The following RBFOX1 variants were observed in gnomAD, a reference collection of about 807,000 sequenced individuals.
RBFOX1 encodes the protein RNA binding fox-1 homolog 1, also known as RNA binding protein fox-1 homolog 1.
In RBFOX1, 8 loss-of-function variants were observed where a neutral mutation model predicts 57.7. The ratio of observed to expected loss-of-function variants is 0.14; its 90% CI spans 0.08 to 0.25. The LOEUF (loss-of-function observed/expected upper bound fraction) is 0.25, where lower values mean the gene tolerates loss of function less well. Among genes scored for constraint, RBFOX1 ranks in the 10% least tolerant of loss-of-function variants. The pLI, the probability that RBFOX1 is intolerant of heterozygous loss-of-function variation, is 1.00. For synonymous variants in RBFOX1, 326 were observed against 222.4 expected, an observed-to-expected ratio of 1.47 and a Z score of -4.15; for missense variants, 611 against 548.5, an observed-to-expected ratio of 1.11 and a Z score of -1.14.
chr16:6,780,389 TA>T (rs1567216630), intron 3 of RBFOX1, among the ~76,000 whole-genome samples: 3 of 91,490 alleles, frequency 3.3e-5, no homozygotes, highest in African/African-American at 1.2e-4. Context: ...TTATACATAT[TA>T]TATATATTTT....
Position 5,645,032 on chromosome 16 carries a change from T to C in RBFOX1, c.318+46071T>C, listed in dbSNP as rs529017811. Reference sequence around the variant, plus strand: ...GAGTGGATCACTTGAAGTCAGGCATTTGAGACCAGCCTGAGCAACATGGTG... The same window carrying C: ...GAGTGGATCACTTGAAGTCAGGCATCTGAGACCAGCCTGAGCAACATGGTG... On this transcript the variant is annotated intron_variant, in intron 3 of 19. Coordinates refer to the RBFOX1 transcript ENST00000641259. Among the ~76,000 whole-genome samples the C allele has an allele frequency of 2.8e-4, 42 of 151,716 alleles. 1 individual carries two copies. The South Asian group carries it at 8.6e-3, about 31-fold the overall frequency.
At chr16:7,056,797 C>T (rs1338170411) in intron 4 of RBFOX1, among the ~76,000 whole-genome samples, 1 of 152,042 alleles carries the variant, frequency 6.6e-6, no homozygotes, top group Non-Finnish European at 1.5e-5. Flanking sequence ...TGCATGACTG[C>T]CAGATTCTGT....
intron 4 of RBFOX1, among the ~76,000 whole-genome samples, chr16:7,309,990 C>A (rs2096272779): frequency 6.6e-6 from 1 of 152,204 alleles, no homozygotes; most frequent in Non-Finnish European, 1.5e-5. Context: ...TTGCCGGGTG[C>A]TGCCCAAGAG....
chr16:5,620,368 C>T (rs1482745937), intron 3 of RBFOX1, among the ~76,000 whole-genome samples: 1 of 152,202 alleles, frequency 6.6e-6, no homozygotes, highest in East Asian at 1.9e-4. Context: ...TACAGCATAG[C>T]AAGATCTGAG....
chr16:6,553,004 G>A (rs1224147667), intron 2 of RBFOX1, among the ~76,000 whole-genome samples: 1 of 152,104 alleles, frequency 6.6e-6, no homozygotes, highest in Non-Finnish European at 1.5e-5. Flanking sequence ...CCCCCTGCAA[G>A]TTCTCTGAGG....
intron 1 of RBFOX1, among the ~76,000 whole-genome samples, chr16:5,265,928 G>A (rs1452266673): frequency 6.6e-6 from 1 of 152,068 alleles, no homozygotes; most frequent in African/African-American, 2.4e-5. Flanking sequence ...GTGAATCTCA[G>A]CTTTGTGGGG....
chr16:5,502,330 C>T (rs2043227368), intron 2 of RBFOX1, among the ~76,000 whole-genome samples: 1 of 151,992 alleles, frequency 6.6e-6, no homozygotes, highest in South Asian at 2.1e-4. Flanking sequence ...CTGGTGTGTC[C>T]CAGTGGATGG....
chr16:6,667,255 C>T (rs1215512977), intron 3 of RBFOX1, among the ~76,000 whole-genome samples: 1 of 152,126 alleles, frequency 6.6e-6, no homozygotes, highest in African/African-American at 2.4e-5. Flanking sequence ...GCCATGGACA[C>T]AGTGGTAACC....
chr16:7,561,253 T>A (rs2152679528), intron 5 of RBFOX1, among the ~76,000 whole-genome samples: 1 of 152,334 alleles, frequency 6.6e-6, no homozygotes, highest in South Asian at 2.1e-4. Context: ...ATGGTTCATT[T>A]GTTTACATAT....
At position 7,164,191 on chromosome 16, in the gene RBFOX1, C is replaced by T. The variant is rs879746920; in HGVS notation, c.27+112093C>T. Among the ~76,000 whole-genome samples, 5 of 152,266 alleles carry T rather than the reference C, an allele frequency of 3.3e-5. No individual in the cohort carries two copies. The East Asian group carries it at 5.8e-4, about 18-fold the overall frequency. ...CTTTGCGTCCTCATAGCTTAGCCCC[C>T]ACATATGAGTGAGAACATATGATGT... On this transcript the variant is annotated intron_variant, in intron 4 of 15. Transcript: ENST00000550418.
intron 4 of RBFOX1, among the ~76,000 whole-genome samples, chr16:7,407,510 C>G (rs976196619): frequency 6.6e-6 from 1 of 151,902 alleles, no homozygotes; most frequent in African/African-American, 2.4e-5. Context: ...CTTTGTATCC[C>G]CAGAGGCTGC....
intron 4 of RBFOX1, among the ~76,000 whole-genome samples, chr16:7,285,803 C>T (rs771395925): frequency 1.3e-5 from 2 of 152,194 alleles, no homozygotes; most frequent in South Asian, 4.1e-4. Flanking sequence ...TCTGGACTAA[C>T]TCCTGGATTT....
In RBFOX1 at chr16:6,267,480, A is replaced by C. The variant is rs528344107; in HGVS notation, c.-126-49515A>C. Among the ~76,000 whole-genome samples the C allele has an allele frequency of 1.2e-4, 19 of 152,274 alleles. No individual in the cohort carries two copies. The South Asian group carries it at 3.5e-3, about 28-fold the overall frequency. On this transcript the variant is annotated intron_variant, in intron 1 of 15. Coordinates refer to ENST00000550418, the MANE Select transcript of RBFOX1 (RefSeq NM_018723.4). ...GTAGCCTAAGAGAAATAGACCATGG[A>C]TATATCCAGTTGCAATGGAATCCAG...
At chr16:6,904,599 TAAAA>T (rs71147623) in intron 3 of RBFOX1, among the ~76,000 whole-genome samples, 2,897 of 64,014 alleles carry the variant, frequency 0.045, 113 homozygotes, top group African/African-American at 0.16. Context: ...AGACTCTCTC[TAAAA>T]AAAAAAAAAA....
rs896977397 is a variant in RBFOX1, at chr16:6,905,243, T to A, written c.-15-146814T>A. Among the ~76,000 whole-genome samples, 3 of 151,684 alleles carry A rather than the reference T, an allele frequency of 2.0e-5. No homozygotes were observed. In the South Asian group the frequency reaches 6.2e-4, roughly 32 times the overall value. The stretch of plus-strand genomic sequence containing the variant: ...CTTCCTAGCTAACAGTCTCTGTAAC[T>A]GTTTAAAAAAAAAATTAAAAAAAAG... On this transcript the variant is annotated intron_variant, in intron 3 of 15. Coordinates refer to ENST00000550418, the MANE Select transcript of RBFOX1 (RefSeq NM_018723.4).
rs528686397 is a variant in RBFOX1 at position 6,632,645 on chromosome 16, C to T, written c.-63-21958C>T. Among the ~76,000 whole-genome samples, 35 of 152,298 alleles carry T rather than the reference C, an allele frequency of 2.3e-4. No homozygotes were observed. In the Middle Eastern group the frequency reaches 0.024, roughly 104 times the overall value. ...TGGGTGTTTTGCTTGAGCTATTCCA[C>T]TCATGACACTGGGCCTGACTGATAT... On this transcript the variant is annotated intron_variant, in intron 2 of 15. Coordinates refer to ENST00000550418, the MANE Select transcript of RBFOX1 (RefSeq NM_018723.4).
downstream of RBFOX1, among the ~76,000 whole-genome samples, chr16:5,604,815 C>A (rs2047508621): frequency 6.6e-6 from 1 of 152,182 alleles, no homozygotes; most frequent in Non-Finnish European, 1.5e-5. Context: ...CAGACCACTT[C>A]AGTGTTTGAC....
At chr16:6,822,757 C>A (rs545401275) in intron 3 of RBFOX1, among the ~76,000 whole-genome samples, 1 of 152,100 alleles carries the variant, frequency 6.6e-6, no homozygotes, top group African/African-American at 2.4e-5. Flanking sequence ...GGAAAAGAAC[C>A]CAGAAGAACC....
At chr16:5,510,374 G>A (rs919084288) in intron 2 of RBFOX1, among the ~76,000 whole-genome samples, 1 of 152,182 alleles carries the variant, frequency 6.6e-6, no homozygotes, top group Non-Finnish European at 1.5e-5. Context: ...TGCTTCTTGT[G>A]TCTCTCATCC....
Sources: allele counts gnomAD v4.1 joint callset (sites outside exome capture counted in the v4.1 genomes callset), GRCh38; gene constraint gnomAD v4.1.1; transcripts MANE v1.5; gene names NCBI Gene and HGNC (gene_info 2026-07-23, HGNC 2026-07-21).